Variants in CMIP observed in about 807,000 individuals in gnomAD.
CMIP encodes the protein c-Maf inducing protein, also known as C-Maf-inducing protein.
A neutral mutation model predicts 97.3 loss-of-function variants in CMIP; 13 were observed. The ratio of observed to expected loss-of-function variants is 0.13; its 90% CI spans 0.09 to 0.21. CMIP has a LOEUF of 0.21. Among genes scored for constraint, CMIP ranks in the 10% least tolerant of loss-of-function variants. The pLI, the probability that CMIP is intolerant of heterozygous loss-of-function variation, is 1.00. For missense variants in CMIP, 847 were observed against 1,024.9 expected (o/e 0.83, Z 2.37); for synonymous variants, 538 against 436.3 (o/e 1.23, Z -2.91).
intron 1 of CMIP, among the ~76,000 whole-genome samples, chr16:81,503,288 C>T (rs1050648900): frequency 3.3e-5 from 5 of 152,146 alleles, no homozygotes; most frequent in African/African-American, 7.2e-5. Context: ...GTGTGACAGC[C>T]GGGTGCTTGA....
At chr16:81,557,383 C>A (rs2090786236) in intron 1 of CMIP, among the ~76,000 whole-genome samples, 1 of 152,092 alleles carries the variant, frequency 6.6e-6, no homozygotes, top group Admixed American at 6.5e-5. Flanking sequence ...TGGTTGAATT[C>A]ACTTATTACT....
intron 1 of CMIP, among the ~76,000 whole-genome samples, chr16:81,549,847 C>T (rs1012862978): frequency 7.2e-5 from 11 of 152,130 alleles, no homozygotes; most frequent in Non-Finnish European, 1.5e-4. Context: ...TGTGTGCATG[C>T]GCGCGTGCAT....
intron 7 of CMIP, among the ~76,000 whole-genome samples, chr16:81,667,799 A>AGAGAGAGAGAGAGTGT: frequency 1.7e-3 from 99 of 58,126 alleles, no homozygotes; most frequent in Non-Finnish European, 2.4e-3. Flanking sequence ...AGAGAGAGAG[A>AGAGAGAGAGAGAGTGT]GTGTGTGTGT....
chr16:81,489,589 C>T (rs561648221), intron 1 of CMIP, among the ~76,000 whole-genome samples: 6 of 152,312 alleles, frequency 3.9e-5, no homozygotes, highest in African/African-American at 1.4e-4. Flanking sequence ...ACCCAGCACA[C>T]CCTGTCACCA....
intron 10 of CMIP, among the ~76,000 whole-genome samples, chr16:81,683,233 C>T (rs957620320): frequency 6.6e-6 from 1 of 152,216 alleles, no homozygotes; most frequent in Non-Finnish European, 1.5e-5. Context: ...AGTGTGGAAG[C>T]CGTGGCCCAC....
intron 10 of CMIP, among the ~76,000 whole-genome samples, chr16:81,682,396 C>T (rs1486527594): frequency 2.0e-5 from 3 of 151,896 alleles, no homozygotes; most frequent in Non-Finnish European, 4.4e-5. Context: ...GAAACCTCGT[C>T]TCTACTAAAA....
intron 1 of CMIP, among the ~76,000 whole-genome samples, chr16:81,577,663 C>T (rs2091219238): frequency 6.6e-6 from 1 of 151,742 alleles, no homozygotes; most frequent in Non-Finnish European, 1.5e-5. Flanking sequence ...TCATCACCAC[C>T]ATCATCCCCA....
chr16:81,591,750 C>T (rs772078691), intron 1 of CMIP, among the ~76,000 whole-genome samples: 1 of 151,710 alleles, frequency 6.6e-6, no homozygotes, highest in Non-Finnish European at 1.5e-5. Flanking sequence ...CAGGGGTGTG[C>T]ATTGTCAGAA....
At chr16:81,629,326 C>G (rs1437450864) in intron 3 of CMIP, among the ~76,000 whole-genome samples, 2 of 151,978 alleles carry the variant, frequency 1.3e-5, no homozygotes, top group African/African-American at 2.4e-5. Flanking sequence ...ACATCTTCCC[C>G]AAACACACTG....
At chr16:81,581,755 C>G (rs1428133501) in intron 1 of CMIP, among the ~76,000 whole-genome samples, 2 of 152,208 alleles carry the variant, frequency 1.3e-5, no homozygotes, top group Admixed American at 6.5e-5. Context: ...AAGGGAACCA[C>G]TTCCTCACGC....
intron 1 of CMIP, among the ~76,000 whole-genome samples, chr16:81,542,183 A>G (rs1018104140): frequency 6.6e-6 from 1 of 152,220 alleles, no homozygotes; most frequent in African/African-American, 2.4e-5. Flanking sequence ...GTGGCATTCC[A>G]AATTTTAAAA....
intron 1 of CMIP, among the ~76,000 whole-genome samples, chr16:81,455,063 C>T (rs1215472212): frequency 6.6e-6 from 1 of 152,180 alleles, no homozygotes; most frequent in Non-Finnish European, 1.5e-5. Context: ...CAGAGTCTAC[C>T]AGTGTGGGGT....
At chr16:81,458,691 C>T (rs1906712381) in intron 1 of CMIP, among the ~76,000 whole-genome samples, 2 of 152,142 alleles carry the variant, frequency 1.3e-5, no homozygotes, top group African/African-American at 4.8e-5. Context: ...TAAAACAGGA[C>T]AGTGATCGGG....
chr16:81,568,862 A>G (rs80107719), intron 1 of CMIP, among the ~76,000 whole-genome samples: 1,934 of 152,320 alleles, frequency 0.013, 50 homozygotes, highest in African/African-American at 0.045. Flanking sequence ...CCAGTTGACA[A>G]TTGAAGGGTT....
intron 1 of CMIP, among the ~76,000 whole-genome samples, chr16:81,472,463 T>C (rs1907617720): frequency 6.6e-6 from 1 of 152,090 alleles, no homozygotes; most frequent in Non-Finnish European, 1.5e-5. Context: ...GTGGCCCATC[T>C]CCCCAGGGGT....
intron 15 of CMIP, among the ~76,000 whole-genome samples, chr16:81,701,033 C>A (rs1039271204): frequency 1.3e-5 from 2 of 151,892 alleles, no homozygotes; most frequent in African/African-American, 2.4e-5. Context: ...ACCTGTAGTT[C>A]CAGCAACTTG....
At chr16:81,512,338 G>A (rs1201240633) in intron 1 of CMIP, among the ~76,000 whole-genome samples, 1 of 152,150 alleles carries the variant, frequency 6.6e-6, no homozygotes, top group Non-Finnish European at 1.5e-5. Flanking sequence ...AGGTTCTGGT[G>A]CTGGCTGCCT....
chr16:81,485,201 T>C (rs1436707501), intron 1 of CMIP, among the ~76,000 whole-genome samples: 1 of 152,234 alleles, frequency 6.6e-6, no homozygotes, highest in East Asian at 1.9e-4. Flanking sequence ...TACTTTCCTG[T>C]TGATGGACAT....
At chr16:81,476,317 G>A in intron 1 of CMIP, 2 of 1,528,242 alleles carry the variant, frequency 1.3e-6, no homozygotes, top group Non-Finnish European at 1.8e-6. Context: ...ATTACGGCGT[G>A]TGAAGTCACC....
Sources: gnomAD v4.1 joint callset for allele counts (sites outside exome capture counted in the v4.1 genomes callset) on GRCh38, gnomAD v4.1.1 for gene constraint, MANE v1.5 for transcripts, NCBI Gene and HGNC (gene_info 2026-07-23, HGNC 2026-07-21) for gene names.